Variants in NEDD9 observed in about 807,000 individuals in gnomAD.
NEDD9 encodes the protein enhancer of filamentation 1.
A neutral mutation model predicts 76.6 loss-of-function variants in NEDD9; 26 were observed. That is an observed-to-expected ratio of 0.34 (90% confidence interval 0.25 to 0.47). NEDD9 has a LOEUF of 0.47. NEDD9 is among the 20% of genes least tolerant of loss of function. NEDD9 has a pLI of 1.00. For missense variants in NEDD9, 937 were observed against 1,058.5 expected (o/e 0.89, Z 1.59); for synonymous variants, 392 against 414.2 (o/e 0.95, Z 0.65).
At chr6:11,256,627 A>G (rs956734046) in intron 3 of NEDD9, among the ~76,000 whole-genome samples, 1 of 151,982 alleles carries the variant, frequency 6.6e-6, no homozygotes, top group African/African-American at 2.4e-5. Flanking sequence ...TGCTTGGCTA[A>G]TTCTTATATT....
chr6:11,248,354 T>C (rs1197897381), intron 3 of NEDD9, among the ~76,000 whole-genome samples: 1 of 152,186 alleles, frequency 6.6e-6, no homozygotes, highest in Admixed American at 6.5e-5. Context: ...ATATGGAACC[T>C]GATGCTCAGG....
At chr6:11,248,308 C>G (rs573419809) in intron 3 of NEDD9, among the ~76,000 whole-genome samples, 1 of 152,190 alleles carries the variant, frequency 6.6e-6, no homozygotes, top group East Asian at 1.9e-4. Context: ...ATCTCTTCTC[C>G]GTAATGGTGA....
chr6:11,353,778 G>C (rs1489844892), intron 1 of NEDD9, among the ~76,000 whole-genome samples: 2 of 152,154 alleles, frequency 1.3e-5, no homozygotes, highest in African/African-American at 4.8e-5. Flanking sequence ...TGATTATATA[G>C]AAATTGAAAT....
chr6:11,271,799 C>A, intron 3 of NEDD9: 1 of 152,334 alleles, frequency 6.6e-6, no homozygotes, highest in East Asian at 1.9e-4. Flanking sequence ...TCTACCTCTG[C>A]TCCCTCCTCT....
chr6:11,329,487 T>G (rs1761990594), intron 2 of NEDD9, among the ~76,000 whole-genome samples: 1 of 152,180 alleles, frequency 6.6e-6, no homozygotes, highest in South Asian at 2.1e-4. Flanking sequence ...ACAGGACAAT[T>G]TAACATCAAG....
intron 1 of NEDD9, among the ~76,000 whole-genome samples, chr6:11,225,199 C>G (rs1193863786): frequency 6.6e-6 from 1 of 152,182 alleles, no homozygotes; most frequent in Non-Finnish European, 1.5e-5. Context: ...AATGGTTTCA[C>G]TTTTACATAT....
At chr6:11,292,346 C>T (rs1257302217) in intron 3 of NEDD9, among the ~76,000 whole-genome samples, 1 of 152,206 alleles carries the variant, frequency 6.6e-6, no homozygotes, top group Non-Finnish European at 1.5e-5. Context: ...CCTTGGTCAG[C>T]GTCTTCTTGA....
At chr6:11,206,425 T>C in intron 2 of NEDD9, among the ~76,000 whole-genome samples, 1 of 150,408 alleles carries the variant, frequency 6.6e-6, no homozygotes, top group Non-Finnish European at 1.5e-5. Context: ...ATCTCAAAAA[T>C]AAAAAAAAAG....
At chr6:11,214,449 G>T (rs539042601) in intron 1 of NEDD9, among the ~76,000 whole-genome samples, 21 of 152,298 alleles carry the variant, frequency 1.4e-4, no homozygotes, top group African/African-American at 4.8e-4. Flanking sequence ...TTTCCTGAGG[G>T]CCCCTCCTCG....
At chr6:11,379,309 C>T (rs1232213928) in intron 1 of NEDD9, among the ~76,000 whole-genome samples, 6 of 152,084 alleles carry the variant, frequency 3.9e-5, no homozygotes, top group Non-Finnish European at 8.8e-5. Context: ...ACTTTTGGGC[C>T]GGGCGCAGTG....
rs547317959 is a variant in NEDD9, at chr6:11,359,453, T to A, written c.-214+22686A>T. 5.3e-5 allele frequency among the ~76,000 whole-genome samples: 8 copies of A among 152,366 alleles called. No individual in the cohort carries two copies. In the South Asian group the frequency reaches 1.7e-3, roughly 32 times the overall value. ...TACCCAAATGGCTTCAGAGAACAAA[T>A]GCCTATCTGTCCCTATTTCACTAGT... is the stretch of plus-strand genomic sequence containing the variant. On this transcript the variant is annotated intron_variant, in intron 1 of 3. Coordinates refer to the NEDD9 transcript ENST00000397378.
At chr6:11,366,294 G>GGAAGGAAGGAAGGAAGGAAGGAGAGAAA (rs58662867) in intron 1 of NEDD9, among the ~76,000 whole-genome samples, 1 of 117,298 alleles carries the variant, frequency 8.5e-6, no homozygotes, top group South Asian at 2.8e-4. Flanking sequence ...AAGGAAGGAA[G>GGAAGGAAGGAAGGAAGGAAGGAGAGAAA]GAAAGAAAGA....
intron 3 of NEDD9, among the ~76,000 whole-genome samples, chr6:11,257,775 C>CTGTGTGTGTGTGTGTGTGTGTGTGTG (rs3067253): frequency 7.0e-5 from 10 of 142,966 alleles, no homozygotes; most frequent in African/African-American, 2.7e-4. Flanking sequence ...AATGTAGATT[C>CTGTGTGTGTGTGTGTGTGTGTGTGTG]TGTGTGTGTG....
At chr6:11,367,269 T>A (rs1256115007) in intron 1 of NEDD9, among the ~76,000 whole-genome samples, 1 of 152,246 alleles carries the variant, frequency 6.6e-6, no homozygotes, top group Non-Finnish European at 1.5e-5. Context: ...TGATTTAGTT[T>A]CTGGGATTAA....
intron 1 of NEDD9, among the ~76,000 whole-genome samples, chr6:11,365,676 T>C (rs1173510976): frequency 2.6e-5 from 4 of 151,918 alleles, no homozygotes; most frequent in African/African-American, 9.7e-5. Context: ...TCATAACAAA[T>C]GCCAAGAAAA....
At chr6:11,192,251 A>G (rs1039129412) in intron 4 of NEDD9, 94 bp downstream of exon 4, 2 of 682,392 alleles carry the variant, frequency 2.9e-6, no homozygotes, top group African/African-American at 4.0e-5. Flanking sequence ...GTTTTATTCG[A>G]GTGAACTACT....
At chr6:11,367,308 T>A (rs1762786604) in intron 1 of NEDD9, among the ~76,000 whole-genome samples, 1 of 152,212 alleles carries the variant, frequency 6.6e-6, no homozygotes, top group African/African-American at 2.4e-5. Flanking sequence ...GATGGCTGGA[T>A]GAGAATAACA....
chr6:11,244,543 A>T (rs931923094), intron 3 of NEDD9, among the ~76,000 whole-genome samples: 1 of 152,148 alleles, frequency 6.6e-6, no homozygotes, highest in Non-Finnish European at 1.5e-5. Flanking sequence ...CTTTTCATTC[A>T]TCCACAAAGG....
intron 3 of NEDD9, among the ~76,000 whole-genome samples, chr6:11,270,996 G>C (rs1760294821): frequency 6.6e-6 from 1 of 152,172 alleles, no homozygotes; most frequent in Non-Finnish European, 1.5e-5. Context: ...CCGCAGTCAA[G>C]TATCACTCTT....
Sources: allele counts gnomAD v4.1 joint callset (sites outside exome capture counted in the v4.1 genomes callset), GRCh38; gene constraint gnomAD v4.1.1; transcripts MANE v1.5; gene names NCBI Gene and HGNC (gene_info 2026-07-23, HGNC 2026-07-21).